The following SGSM1 variants were observed in gnomAD, a reference collection of about 807,000 sequenced individuals.
SGSM1 encodes small G protein signaling modulator 1.
A neutral mutation model predicts 133.8 loss-of-function variants in SGSM1; 73 were observed. That is an observed-to-expected ratio of 0.55 (90% CI 0.45 to 0.66). The LOEUF (loss-of-function observed/expected upper bound fraction) is 0.66. Among genes scored for constraint, SGSM1 ranks in the 30% least tolerant of loss-of-function variants. SGSM1 has a pLI of 0.00. For missense variants in SGSM1, 1,213 were observed against 1,448.1 expected (o/e 0.84, Z 2.64); for synonymous variants, 563 against 573.0 (o/e 0.98, Z 0.25).
chr22:24,833,292 C>T (rs1411346368), intron 2 of SGSM1, among the ~76,000 whole-genome samples: 1 of 151,982 alleles, frequency 6.6e-6, no homozygotes, highest in Admixed American at 6.6e-5. Flanking sequence ...CCCTAATGAC[C>T]TCATTTTAAC....
intron 5 of SGSM1, among the ~76,000 whole-genome samples, chr22:24,853,372 A>G (rs1930589385): frequency 6.6e-6 from 1 of 152,208 alleles, no homozygotes; most frequent in South Asian, 2.1e-4. Context: ...GGTTCTTTTC[A>G]ATCCTGAAAT....
At chr22:24,886,491 G>GT in intron 15 of SGSM1, 109 bp from the exon 16 acceptor site, 1 of 1,396,074 alleles carries the variant, frequency 7.2e-7, no homozygotes, top group Non-Finnish European at 9.6e-7. Flanking sequence ...ATCACTGAAG[G>GT]TCAGGAGTTC....
At chr22:24,851,449 G>GGGGAGAGA (rs1555925285) in intron 5 of SGSM1, among the ~76,000 whole-genome samples, 1 of 112,820 alleles carries the variant, frequency 8.9e-6, no homozygotes, top group Non-Finnish European at 1.7e-5. Context: ...GGGGGTGGGG[G>GGGGAGAGA]GAGAGAGAGA....
chr22:24,890,231 C>T (rs377037605), intron 16 of SGSM1, among the ~76,000 whole-genome samples: 2 of 152,166 alleles, frequency 1.3e-5, no homozygotes, highest in Non-Finnish European at 2.9e-5. Flanking sequence ...CCTGGGATTA[C>T]AGGCATGAGC....
At chr22:24,863,550 C>G (rs1269413139) in intron 9 of SGSM1, among the ~76,000 whole-genome samples, 1 of 152,104 alleles carries the variant, frequency 6.6e-6, no homozygotes, top group East Asian at 1.9e-4. Context: ...GCCATGAACT[C>G]CTGTCTATCG....
At chr22:24,830,231 C>G (rs1929034189) in intron 2 of SGSM1, among the ~76,000 whole-genome samples, 1 of 152,164 alleles carries the variant, frequency 6.6e-6, no homozygotes, top group South Asian at 2.1e-4. Flanking sequence ...TCAAACTATC[C>G]TGGGAGATAT....
rs112680209 is a variant in SGSM1, at chr22:24,808,703, C to T, written c.63+2219C>T. Reference sequence around the variant, plus strand: ...AGCTACCATCTTCCTCAGTTTCCTGCGCAGGTTCCTTCTTCTCTCTAGGAG... The same window carrying T: ...AGCTACCATCTTCCTCAGTTTCCTGTGCAGGTTCCTTCTTCTCTCTAGGAG... On this transcript the variant is annotated intron_variant, in intron 2 of 24. Transcript: ENST00000400358. Among the ~76,000 whole-genome samples, 867 of 152,292 alleles carry T rather than the reference C, an allele frequency of 5.7e-3. 9 individuals carry two copies. The highest frequency in any genetic ancestry group is 0.02 in the African/African-American group (830 of 41,548).
rs373858568 is a variant in SGSM1 at position 24,817,611 on chromosome 22, C to T, written c.63+11127C>T. On this transcript the variant is annotated intron_variant, in intron 2 of 24. Transcript: ENST00000400358. ...CGCGATCTTCCCACCTCAGCCTCCC[C>T]AAGTGCTGGGATTACAGGCGTGAGC... Among the ~76,000 whole-genome samples, 26 of 152,232 alleles carry T rather than the reference C, an allele frequency of 1.7e-4. No individual in the cohort carries two copies. The East Asian group carries it at 4.8e-3, about 28-fold the overall frequency.
At chr22:24,826,205 A>G (rs1259319068) in intron 2 of SGSM1, among the ~76,000 whole-genome samples, 1 of 152,268 alleles carries the variant, frequency 6.6e-6, no homozygotes, top group Non-Finnish European at 1.5e-5. Flanking sequence ...AAAATTCAGA[A>G]TGCCTTGTTT....
chr22:24,807,263 G>A (rs1348346228), intron 2 of SGSM1, among the ~76,000 whole-genome samples: 1 of 152,170 alleles, frequency 6.6e-6, no homozygotes, highest in Admixed American at 6.5e-5. Context: ...GCGTGCTCTG[G>A]TGTGTATACC....
chr22:24,893,294 G>A (rs943238091), intron 16 of SGSM1, 137 bp from the exon 17 acceptor site: 2 of 847,864 alleles, frequency 2.4e-6, no homozygotes, highest in African/African-American at 3.4e-5. Flanking sequence ...TAGCATAGTA[G>A]GTGCTCAGTT....
intron 15 of SGSM1, among the ~76,000 whole-genome samples, chr22:24,884,927 C>T (rs73157906): frequency 0.019 from 2,910 of 152,220 alleles, 51 homozygotes; most frequent in East Asian, 0.088. Flanking sequence ...GAGAATTGTA[C>T]ACTTTGGATT....
rs777607630 is a variant in SGSM1, at chr22:24,850,315, G to A, written c.338G>A (p.Arg113Gln). The A allele has an allele frequency of 5.3e-5, 86 of 1,610,922 alleles. No individual in the cohort carries two copies. The highest frequency in any genetic ancestry group is 1.6e-4 in the Middle Eastern group (1 of 6,082). The change falls in exon 5 of 25, where the codon CGG becomes CAG. Residue 113 changes from arginine to glutamine, a missense_variant. Transcript: ENST00000400358. ...ATTCAAGGCCTCCAGGAGAATGTGC[G>A]GAAGCTGCCGAAGCTGCCCAACTTG... ...NQIQGLQENV[R>Q]KLPKLPNLSP...
At chr22:24,851,377 A>G (rs1350266907) in intron 5 of SGSM1, among the ~76,000 whole-genome samples, 1 of 137,190 alleles carries the variant, frequency 7.3e-6, no homozygotes, top group Admixed American at 7.9e-5. Context: ...AGAATTTATC[A>G]TCTGACACTC....
chr22:24,841,093 G>A (rs183696673), intron 2 of SGSM1, among the ~76,000 whole-genome samples: 2,970 of 152,154 alleles, frequency 0.02, 53 homozygotes, highest in African/African-American at 0.043. Flanking sequence ...CTTGTGATCC[G>A]CCCGCCTTGG....
chr22:24,900,838 T>G (rs1933134577), intron 19 of SGSM1, among the ~76,000 whole-genome samples: 1 of 152,228 alleles, frequency 6.6e-6, no homozygotes, highest in African/African-American at 2.4e-5. Flanking sequence ...TCTGAGTGTT[T>G]CATGATTTTT....
rs138255291 is a variant in SGSM1, at chr22:24,855,549, A to G, written c.670A>G (p.Ile224Val). Residue 224 changes from isoleucine to valine, a missense_variant and splice_region_variant, in exon 8 of 25, where the codon ATC (isoleucine) becomes GTC (valine). Transcript: ENST00000400358. The stretch of plus-strand genomic sequence containing the variant: ...TCTGTCTCCCGTCACTCTCTACCAG[A>G]TCCAGAAGAGGCATTCCAGTGGCAG... ...DSPTKRPALC[I>V]QKRHSSGSMD... 5.5e-4 allele frequency: 888 copies of G among 1,613,784 alleles called. 1 individual carries two copies. The highest frequency in any genetic ancestry group is 1.2e-3 in the Admixed American group (74 of 60,006).
At chr22:24,862,278 G>A (rs914856006) in intron 9 of SGSM1, among the ~76,000 whole-genome samples, 2 of 152,032 alleles carry the variant, frequency 1.3e-5, no homozygotes, top group South Asian at 4.1e-4. Flanking sequence ...CTAATCAGGC[G>A]ACCATCATGG....
At chr22:24,868,982 A>C (rs1601940010) in intron 12 of SGSM1, 127 bp downstream of exon 12, 1 of 1,394,662 alleles carries the variant, frequency 7.2e-7, no homozygotes, top group Non-Finnish European at 9.6e-7. Context: ...TGGAAACAGA[A>C]AGTCGGTTTC....
Sources: gnomAD v4.1 joint callset for allele counts (sites outside exome capture counted in the v4.1 genomes callset) on GRCh38, gnomAD v4.1.1 for gene constraint, MANE v1.5 for transcripts, NCBI Gene and HGNC (gene_info 2026-07-23, HGNC 2026-07-21) for gene names.